The following MMP16 variants were observed in gnomAD, a reference collection of about 807,000 sequenced individuals.
MMP16 encodes the protein matrix metallopeptidase 16.
In MMP16, 12 loss-of-function variants were observed where a neutral mutation model predicts 67.8. The observed-to-expected ratio is 0.18, with a 90% CI of 0.11 to 0.29. The LOEUF (loss-of-function observed/expected upper bound fraction) is 0.29. Ranked by LOEUF, MMP16 falls within the 10% of genes least tolerant of loss-of-function variation. The pLI is 1.00. For missense variants in MMP16, 475 were observed against 765.7 expected, an observed-to-expected ratio of 0.62 and a Z score of 4.48; for synonymous variants, 249 against 255.9, an observed-to-expected ratio of 0.97 and a Z score of 0.26.
chr8:88,147,048 G>A (rs1379428081), intron 4 of MMP16, among the ~76,000 whole-genome samples: 1 of 151,882 alleles, frequency 6.6e-6, no homozygotes, highest in African/African-American at 2.4e-5. Flanking sequence ...ACTTTACTTT[G>A]TAAGTGGCAA....
chr8:88,250,268 A>G (rs996183201), intron 1 of MMP16, among the ~76,000 whole-genome samples: 3 of 152,074 alleles, frequency 2.0e-5, no homozygotes, highest in Non-Finnish European at 4.4e-5. Context: ...CAGAAACCCT[A>G]AAAACTCCAT....
chr8:88,231,778 T>C (rs543392308), intron 1 of MMP16, among the ~76,000 whole-genome samples: 2 of 152,338 alleles, frequency 1.3e-5, no homozygotes, highest in East Asian at 3.9e-4. Flanking sequence ...TTTTAAAATA[T>C]GTTTAAGTTG....
chr8:88,268,134 G>T (rs934762271), intron 1 of MMP16, among the ~76,000 whole-genome samples: 3 of 152,170 alleles, frequency 2.0e-5, no homozygotes, highest in African/African-American at 7.2e-5. Flanking sequence ...CCTGAGGTCA[G>T]GAGTTCGAGA....
chr8:88,107,365 T>C (rs1472478649), intron 6 of MMP16, among the ~76,000 whole-genome samples: 1 of 151,122 alleles, frequency 6.6e-6, no homozygotes, highest in Admixed American at 6.6e-5. Context: ...TCAGTGGAAT[T>C]ACTTTTAATT....
chr8:88,282,222 G>A (rs528285981), intron 1 of MMP16, among the ~76,000 whole-genome samples: 2 of 151,846 alleles, frequency 1.3e-5, no homozygotes, highest in South Asian at 2.1e-4. Context: ...TTACAGGCGT[G>A]CACCACCACA....
intron 4 of MMP16, among the ~76,000 whole-genome samples, chr8:88,159,070 C>T (rs1808566463): frequency 6.6e-6 from 1 of 152,088 alleles, no homozygotes; most frequent in African/African-American, 2.4e-5. Context: ...TTACTGTAGC[C>T]TTGTAGAATA....
intron 1 of MMP16, among the ~76,000 whole-genome samples, chr8:88,315,717 C>T (rs1299005926): frequency 6.6e-6 from 1 of 152,136 alleles, no homozygotes; most frequent in Non-Finnish European, 1.5e-5. Flanking sequence ...GGCCAGTTAA[C>T]AATTCTACAA....
chr8:88,102,237 T>C (rs1809156880), intron 6 of MMP16, among the ~76,000 whole-genome samples: 1 of 151,814 alleles, frequency 6.6e-6, no homozygotes, highest in Non-Finnish European at 1.5e-5. Context: ...AGACAAGCAG[T>C]GGCAACTCTG....
chr8:88,170,164 G>A (rs1808776689), intron 3 of MMP16, among the ~76,000 whole-genome samples: 1 of 152,116 alleles, frequency 6.6e-6, no homozygotes, highest in Non-Finnish European at 1.5e-5. Flanking sequence ...TAAGAGCTGA[G>A]GAAGACAGCA....
chr8:88,325,275 C>G (rs577965902), intron 1 of MMP16, among the ~76,000 whole-genome samples: 25 of 152,236 alleles, frequency 1.6e-4, no homozygotes. Context: ...GAAATACAAT[C>G]TTTTATGTTT....
chr8:88,241,117 A>G (rs1278188559), intron 1 of MMP16, among the ~76,000 whole-genome samples: 1 of 151,570 alleles, frequency 6.6e-6, no homozygotes, highest in Non-Finnish European at 1.5e-5. Context: ...TCAACAGACC[A>G]AAATAGAACT....
intron 6 of MMP16, among the ~76,000 whole-genome samples, chr8:88,102,419 G>A (rs1193333394): frequency 6.6e-6 from 1 of 151,844 alleles, no homozygotes; most frequent in Non-Finnish European, 1.5e-5. Flanking sequence ...TGAGGTATGG[G>A]GGGAGTGGGG....
chr8:88,286,862 C>T (rs1038024295), intron 1 of MMP16, among the ~76,000 whole-genome samples: 2 of 151,932 alleles, frequency 1.3e-5, no homozygotes, highest in Non-Finnish European at 2.9e-5. Context: ...TGAGCCACCA[C>T]GCCCGGCCTG....
intron 1 of MMP16, among the ~76,000 whole-genome samples, chr8:88,261,433 A>G (rs1480571629): frequency 6.6e-6 from 1 of 152,146 alleles, no homozygotes; most frequent in Admixed American, 6.6e-5. Flanking sequence ...AATTTATAAT[A>G]GCATTATAAT....
In MMP16 at chr8:88,327,306, G is replaced by T; in HGVS notation, c.-100C>A. 1.3e-6 allele frequency: 2 copies of T among 1,530,252 alleles called. No homozygotes were observed. The highest frequency in any genetic ancestry group is 1.8e-6 in the Non-Finnish European group (2 of 1,120,412). 94.8% of individuals were successfully genotyped at this position (1,530,252 alleles called of 1,614,324 possible). On this transcript the variant is annotated 5_prime_UTR_variant, in exon 1 of 10. Coordinates refer to ENST00000286614, the MANE Select transcript of MMP16 (RefSeq NM_005941.5). Reference sequence around the variant, plus strand: ...TTCCTTTCAAAAAAAAGTCCTCCGGGTGGGTAAGGAGCCTGCAGGTTCACC... The same window carrying T: ...TTCCTTTCAAAAAAAAGTCCTCCGGTTGGGTAAGGAGCCTGCAGGTTCACC...
At chr8:88,307,441 G>A (rs974215823) in intron 1 of MMP16, among the ~76,000 whole-genome samples, 6 of 151,740 alleles carry the variant, frequency 4.0e-5, no homozygotes, top group Admixed American at 1.3e-4. Context: ...AAATTAAGAC[G>A]GAAATAGAGA....
intron 6 of MMP16, among the ~76,000 whole-genome samples, chr8:88,109,544 C>T (rs1809299326): frequency 6.6e-6 from 1 of 151,218 alleles, no homozygotes; most frequent in African/African-American, 2.4e-5. Context: ...AGAATAAAGT[C>T]TAATTTTTGC....
intron 3 of MMP16, among the ~76,000 whole-genome samples, chr8:88,180,943 T>C (rs1431947496): frequency 6.6e-6 from 1 of 152,174 alleles, no homozygotes; most frequent in Non-Finnish European, 1.5e-5. Context: ...AAATTCATAT[T>C]ATCATATCAG....
chr8:88,176,566 A>G (rs1808893907), intron 3 of MMP16, among the ~76,000 whole-genome samples: 1 of 152,206 alleles, frequency 6.6e-6, no homozygotes, highest in Non-Finnish European at 1.5e-5. Context: ...TAGTTCCATT[A>G]CTACTTATTG....
Sources: gnomAD v4.1 joint callset for allele counts (sites outside exome capture counted in the v4.1 genomes callset) on GRCh38, gnomAD v4.1.1 for gene constraint, MANE v1.5 for transcripts, NCBI Gene and HGNC (gene_info 2026-07-23, HGNC 2026-07-21) for gene names.